Variants in GTF2F2 observed in about 807,000 individuals in gnomAD.
GTF2F2 encodes ATP-dependent helicase GTF2F2.
A neutral mutation model predicts 42.2 loss-of-function variants in GTF2F2; 23 were observed. That is an observed-to-expected ratio of 0.55 (90% CI 0.39 to 0.77). GTF2F2 has a LOEUF of 0.77. Among genes scored for constraint, GTF2F2 ranks in the 30% least tolerant of loss-of-function variants. The pLI is 0.00. For synonymous variants in GTF2F2, 105 were observed against 100.8 expected (o/e 1.04, Z -0.25); for missense variants, 261 against 287.2 (o/e 0.91, Z 0.66).
At chr13:45,262,795 G>A (rs558234056) in intron 6 of GTF2F2, among the ~76,000 whole-genome samples, 9 of 152,126 alleles carry the variant, frequency 5.9e-5, no homozygotes, top group Admixed American at 3.3e-4. Context: ...AGGCTGGAGT[G>A]CATGAGTGGC....
At chr13:45,139,349 C>T (rs1869796304) in intron 2 of GTF2F2, among the ~76,000 whole-genome samples, 3 of 152,208 alleles carry the variant, frequency 2.0e-5, no homozygotes, top group Admixed American at 1.3e-4. Flanking sequence ...AATGTATTTA[C>T]ACACCTCTCT....
intron 4 of GTF2F2, among the ~76,000 whole-genome samples, chr13:45,162,979 G>A (rs1313646587): frequency 6.9e-6 from 1 of 143,914 alleles, no homozygotes; most frequent in Admixed American, 7.3e-5. Context: ...CCTGGAGTTG[G>A]CGTGTATTAT....
chr13:45,228,183 G>A (rs1003347603), intron 5 of GTF2F2, among the ~76,000 whole-genome samples: 2 of 150,840 alleles, frequency 1.3e-5, no homozygotes, highest in Admixed American at 1.3e-4. Context: ...TTTAACCGAC[G>A]GGCACTGAGC....
At chr13:45,144,875 T>A (rs955948914) in intron 2 of GTF2F2, among the ~76,000 whole-genome samples, 37 of 152,332 alleles carry the variant, frequency 2.4e-4, no homozygotes, top group African/African-American at 8.9e-4. Flanking sequence ...GGGAGTTCAA[T>A]TTGTTACAAA....
At chr13:45,176,807 G>T (rs1365353003) in intron 4 of GTF2F2, among the ~76,000 whole-genome samples, 3 of 150,936 alleles carry the variant, frequency 2.0e-5, no homozygotes, top group Non-Finnish European at 4.4e-5. Context: ...TTTTTTTTGG[G>T]GGGGACGGTC....
At chr13:45,166,251 C>T (rs1223151550) in intron 4 of GTF2F2, among the ~76,000 whole-genome samples, 1 of 152,180 alleles carries the variant, frequency 6.6e-6, no homozygotes, top group African/African-American at 2.4e-5. Flanking sequence ...GCTTAAATTT[C>T]AGTGTTTTCT....
chr13:45,156,453 A>G lies in GTF2F2; in HGVS notation c.304+4622A>G, dbSNP rs557083668. On this transcript the variant is annotated intron_variant, in intron 4 of 7. Coordinates refer to ENST00000340473, the MANE Select transcript of GTF2F2 (RefSeq NM_004128.3). ...TTACCTGTCATCCTCTGTCATAGCT[A>G]TCTAAAAGTTCATTAAATAAAAATT... is the stretch of plus-strand genomic sequence containing the variant. Among the ~76,000 whole-genome samples the G allele has an allele frequency of 7.2e-5, 11 of 152,350 alleles. No homozygotes were observed. The South Asian group carries it at 2.3e-3, about 32-fold the overall frequency.
chr13:45,240,849 T>C lies in GTF2F2; in HGVS notation c.387-12022T>C, dbSNP rs1264522467. Among the ~76,000 whole-genome samples, 3 of 144,690 alleles carry C rather than the reference T, an allele frequency of 2.1e-5. No individual in the cohort carries two copies. The South Asian group carries it at 6.5e-4, about 32-fold the overall frequency. 94.9% of individuals were successfully genotyped at this position (144,690 alleles called of 152,430 possible). A position where few individuals can be genotyped will look rare whatever the true frequency, so the allele number is the denominator to read the frequency against. On this transcript the variant is annotated intron_variant, in intron 5 of 7. Coordinates refer to ENST00000340473, the MANE Select transcript of GTF2F2 (RefSeq NM_004128.3). ...CTCTCAAAAAAAGGAAAGAAAATTA[T>C]AAATTCTTGTCTGAGCATGGTGGCT...
At chr13:45,259,647 C>CTTTTTTT (rs1172870085) in intron 6 of GTF2F2, among the ~76,000 whole-genome samples, 1 of 72,224 alleles carries the variant, frequency 1.4e-5, no homozygotes, top group African/African-American at 5.4e-5. Flanking sequence ...AAACCTAGAA[C>CTTTTTTT]TTTTTTTTTT....
At chr13:45,254,443 T>C (rs570965136) in intron 6 of GTF2F2, among the ~76,000 whole-genome samples, 2 of 152,366 alleles carry the variant, frequency 1.3e-5, no homozygotes, top group South Asian at 4.1e-4. Flanking sequence ...TATTATACAA[T>C]ATACACATTT....
chr13:45,233,763 G>T (rs1593507087), intron 5 of GTF2F2, among the ~76,000 whole-genome samples: 2 of 151,956 alleles, frequency 1.3e-5, no homozygotes, highest in South Asian at 4.2e-4. Context: ...ATATAGAAAA[G>T]TCAGCTGGGT....
intron 7 of GTF2F2, among the ~76,000 whole-genome samples, chr13:45,267,818 T>A (rs2138265209): frequency 6.6e-6 from 1 of 151,716 alleles, no homozygotes; most frequent in Middle Eastern, 3.4e-3. Context: ...GGATTTTTTT[T>A]TTTTTTTTTT....
chr13:45,172,729 C>A (rs1450887660), intron 4 of GTF2F2, among the ~76,000 whole-genome samples: 1 of 152,122 alleles, frequency 6.6e-6, no homozygotes, highest in Non-Finnish European at 1.5e-5. Context: ...ATTGAATTCT[C>A]TTGGCACCTT....
At chr13:45,151,853 T>C in intron 4 of GTF2F2, 22 bp downstream of exon 4, 1 of 1,248,886 alleles carries the variant, frequency 8.0e-7, no homozygotes. Flanking sequence ...TGGAATTATT[T>C]AATGTGATTC....
intron 6 of GTF2F2, among the ~76,000 whole-genome samples, chr13:45,258,687 G>GT (rs1167320048): frequency 6.6e-6 from 1 of 152,178 alleles, no homozygotes; most frequent in Non-Finnish European, 1.5e-5. Context: ...AAACGAAAAC[G>GT]TATTTTGTAG....
intron 4 of GTF2F2, among the ~76,000 whole-genome samples, chr13:45,196,221 T>C (rs1186471735): frequency 6.6e-6 from 1 of 152,200 alleles, no homozygotes; most frequent in Non-Finnish European, 1.5e-5. Context: ...AGAGCTGTGT[T>C]TTTGCTTAGA....
In GTF2F2 at chr13:45,181,200, A is replaced by AAAAC. The variant is rs1872151394; in HGVS notation, c.305-26223_305-26220dup. Among the ~76,000 whole-genome samples the AAAAC allele has an allele frequency of 1.2e-3, 157 of 132,768 alleles. 4 individuals are homozygous for AAAAC. The highest frequency in any genetic ancestry group is 1.8e-3 in the South Asian group (8 of 4,384). The allele number at this position is 132,768 out of a possible 152,430, so 87.1% of individuals were successfully genotyped here. ...AAAAAACAAACAAACAAAAAAAAAAAAAACCAGAAAAACCAAAGGTGATAT... is the reference window on the plus strand; with the variant it reads ...AAAAAACAAACAAACAAAAAAAAAAAAAACAAACCAGAAAAACCAAAGGTGATAT... On this transcript the variant is annotated intron_variant, in intron 4 of 7. Transcript: ENST00000340473.
chr13:45,220,593 A>G (rs1197843285), intron 5 of GTF2F2, among the ~76,000 whole-genome samples: 1 of 152,288 alleles, frequency 6.6e-6, no homozygotes, highest in East Asian at 1.9e-4. Flanking sequence ...AGCCCAACCA[A>G]GGAAGGGATA....
chr13:45,277,915 C>T (rs1483380911), intron 7 of GTF2F2, among the ~76,000 whole-genome samples: 1 of 152,134 alleles, frequency 6.6e-6, no homozygotes, highest in Non-Finnish European at 1.5e-5. Flanking sequence ...GATTTTGTGA[C>T]TGGAAGACTA....
Sources: gnomAD v4.1 joint callset for allele counts (sites outside exome capture counted in the v4.1 genomes callset) on GRCh38, gnomAD v4.1.1 for gene constraint, MANE v1.5 for transcripts, NCBI Gene and HGNC (gene_info 2026-07-23, HGNC 2026-07-21) for gene names.